Variants in RSPH3 observed in about 807,000 individuals in gnomAD.
The protein encoded by RSPH3 is radial spoke head protein 3 homolog.
In RSPH3, 21 loss-of-function variants were observed where a neutral mutation model predicts 43.8. The ratio of observed to expected loss-of-function variants is 0.48; its 90% CI spans 0.34 to 0.69. The LOEUF is 0.69. Ranked by LOEUF, RSPH3 falls within the 30% of genes least tolerant of loss-of-function variation. RSPH3 has a pLI of 0.01. For missense variants in RSPH3, 487 were observed against 516.0 expected, an observed-to-expected ratio of 0.94 and a Z score of 0.54; for synonymous variants, 173 against 179.8, an observed-to-expected ratio of 0.96 and a Z score of 0.30.
At chr6:158,986,848 T>G (rs1293355977) in intron 2 of RSPH3, among the ~76,000 whole-genome samples, 1 of 152,206 alleles carries the variant, frequency 6.6e-6, no homozygotes, top group African/African-American at 2.4e-5. Context: ...TCTACTTTTT[T>G]GAATTTGTTC....
Position 158,999,770 on chromosome 6 carries a change from G to T in RSPH3, c.-220C>A, listed in dbSNP as rs41267757. 34,260 of 1,610,958 alleles carry T rather than the reference G, an allele frequency of 0.021. 414 individuals are homozygous for T. Among genetic ancestry groups the T allele is most frequent in the Middle Eastern group, 0.025 (149 of 6,048 alleles). ...TCCCAGCACCACAGAGACCAGCTGCGGGGGCCGCATCGGTTGCCCAGCAAC... is the reference window on the plus strand; with the variant it reads ...TCCCAGCACCACAGAGACCAGCTGCTGGGGCCGCATCGGTTGCCCAGCAAC... On this transcript the variant is annotated 5_prime_UTR_variant, in exon 1 of 8. Coordinates refer to ENST00000367069, the MANE Select transcript of RSPH3 (RefSeq NM_031924.8).
At chr6:158,970,495 A>C (rs113013074), downstream of RSPH3, among the ~76,000 whole-genome samples, 44 of 152,232 alleles carry the variant, frequency 2.9e-4, no homozygotes, top group African/African-American at 9.4e-4. Context: ...GCATGCATGC[A>C]GTCCTACACA....
chr6:158,967,506 T>C, the RSPH3 span, among the ~76,000 whole-genome samples: 4 of 152,214 alleles, frequency 2.6e-5, no homozygotes, highest in African/African-American at 4.8e-5. Context: ...CTAAGGCTTA[T>C]TTTTGGTCTA....
chr6:158,979,760 T>G (rs1562559033), intron 6 of RSPH3, among the ~76,000 whole-genome samples: 1 of 152,134 alleles, frequency 6.6e-6, no homozygotes, highest in Non-Finnish European at 1.5e-5. Context: ...GCCAACAAAA[T>G]AGGACCTATA....
intron 2 of RSPH3, among the ~76,000 whole-genome samples, chr6:158,992,687 A>G (rs566184295): frequency 6.6e-6 from 1 of 152,184 alleles, no homozygotes; most frequent in South Asian, 2.1e-4. Context: ...GTTTATTGGG[A>G]CGTAACCTCA....
chr6:158,982,591 A>G lies in RSPH3; in HGVS notation c.590T>C (p.Leu197Pro), dbSNP rs373273834. The change falls in exon 5 of 8, where the codon CTG becomes CCG. Residue 197 changes from leucine to proline, a missense_variant. Transcript: ENST00000367069. ...SLLEVMEEEE[L>P]ANLRASQREY... ...ACGCTGACTGGCCCGCAGGTTAGCC[A>G]GCTCTTCTTCTTCCATTACTTCCAG... 11 of 1,613,908 alleles carry G rather than the reference A, an allele frequency of 6.8e-6. No homozygotes were observed. The African/African-American group carries it at 1.2e-4, about 18-fold the overall frequency.
the RSPH3 span, among the ~76,000 whole-genome samples, chr6:158,967,331 A>G: frequency 6.6e-5 from 10 of 151,744 alleles, no homozygotes; most frequent in Non-Finnish European, 2.9e-5. Flanking sequence ...TTACTTTCTA[A>G]TTTTTCTATG....
chr6:158,985,960 A>C (rs575677310), intron 3 of RSPH3, among the ~76,000 whole-genome samples: 50 of 151,560 alleles, frequency 3.3e-4, no homozygotes, highest in South Asian at 8.4e-4. Flanking sequence ...ATTACAGGCG[A>C]CCACCACCAT....
intron 1 of RSPH3, among the ~76,000 whole-genome samples, chr6:158,995,995 C>T (rs1778581964): frequency 6.6e-6 from 1 of 152,150 alleles, no homozygotes; most frequent in Non-Finnish European, 1.5e-5. Flanking sequence ...TCTCAAGATC[C>T]TTAATGTAAT....
At chr6:158,987,151 A>G (rs548926249) in intron 2 of RSPH3, among the ~76,000 whole-genome samples, 2 of 152,116 alleles carry the variant, frequency 1.3e-5, no homozygotes, top group Admixed American at 1.3e-4. Flanking sequence ...TATAGTTGGG[A>G]GCTCTGGTGT....
In RSPH3 at chr6:158,983,831, G is replaced by A. The variant is rs201768296; in HGVS notation, c.347-24C>T. ...TTCTAAGAAGAATATCATATATATCGAGTTTAAAATTCTGGTCTAAGGCCA... is the reference window on the plus strand; with the variant it reads ...TTCTAAGAAGAATATCATATATATCAAGTTTAAAATTCTGGTCTAAGGCCA... On this transcript the variant is annotated intron_variant, in intron 3 of 7. Coordinates refer to ENST00000367069, the MANE Select transcript of RSPH3 (RefSeq NM_031924.8). 29 of 1,549,282 alleles carry A rather than the reference G, an allele frequency of 1.9e-5. No individual in the cohort carries two copies. The East Asian group carries it at 2.0e-4, about 11-fold the overall frequency.
chr6:158,974,578 T>C lies in RSPH3; in HGVS notation c.*2960A>G, dbSNP rs777306360. ...TTAACATTCTTCTCTCCAGATAACA[T>C]ATAATGTGTTACCTCTAAGCTTTCT... On this transcript the variant is annotated 3_prime_UTR_variant, in exon 8 of 8. Transcript: ENST00000367069. The C allele has an allele frequency of 1.3e-5, 2 of 152,320 alleles. No individual in the cohort carries two copies. The highest frequency in any genetic ancestry group is 2.1e-4 in the South Asian group (1 of 4,830). 9.4% of individuals were successfully genotyped at this position (152,320 alleles called of 1,614,324 possible). A position where few individuals can be genotyped will look rare whatever the true frequency, so the allele number is the denominator to read the frequency against.
In RSPH3 at chr6:158,999,980, T is replaced by A; in HGVS notation, c.-430A>T. ...CCTTGGCTGGCTTGACCGTCATCCT[T>A]GAGGCCTGCGGGGCAACGGTGGCTG... On this transcript the variant is annotated 5_prime_UTR_variant, in exon 1 of 8. Coordinates refer to ENST00000367069, the MANE Select transcript of RSPH3 (RefSeq NM_031924.8). 2.5e-6 allele frequency: 4 copies of A among 1,579,704 alleles called. No individual in the cohort carries two copies. Among genetic ancestry groups the A allele is most frequent in the Non-Finnish European group, 3.4e-6 (4 of 1,161,598 alleles).
At chr6:158,965,272 G>T in the RSPH3 span, among the ~76,000 whole-genome samples, 4 of 152,138 alleles carry the variant, frequency 2.6e-5, no homozygotes, top group African/African-American at 9.6e-5. Flanking sequence ...AGGTTTCCCT[G>T]TAATTCAATA....
the RSPH3 span, among the ~76,000 whole-genome samples, chr6:158,966,215 G>A: frequency 2.6e-5 from 4 of 151,930 alleles, no homozygotes; most frequent in Non-Finnish European, 4.4e-5. Flanking sequence ...CATCCTTTTC[G>A]TATGTTGCTA....
chr6:158,978,343 A>G lies in RSPH3; in HGVS notation c.863T>C (p.Ile288Thr). The change falls in exon 7 of 8, where the codon ATT (isoleucine) becomes ACT (threonine). Residue 288 changes from isoleucine (I) to threonine (T), a missense_variant. Ile to Thr is a moderately conservative substitution (Grantham distance 89). Coordinates refer to ENST00000367069, the MANE Select transcript of RSPH3 (RefSeq NM_031924.8). ...TAGCCATGGAAGAAATCCTATCTCA[A>G]TATCTGTAATAAAAGAATTCATTGA... Reference protein sequence around the residue: ...GYFYDPIERDIEIGFLPWLMN... With the variant: ...GYFYDPIERDTEIGFLPWLMN... The G allele has an allele frequency of 7.1e-7, 1 of 1,403,270 alleles. No individual in the cohort carries two copies. Among genetic ancestry groups the G allele is most frequent in the South Asian group, 1.2e-5 (1 of 85,464 alleles). The allele number at this position is 1,403,270 out of a possible 1,614,324, so 86.9% of individuals were successfully genotyped here. A position where few individuals can be genotyped will look rare whatever the true frequency, so the allele number is the denominator to read the frequency against.
the RSPH3 span, among the ~76,000 whole-genome samples, chr6:158,967,655 C>G: frequency 8.5e-5 from 13 of 152,094 alleles, no homozygotes; most frequent in African/African-American, 3.1e-4. Flanking sequence ...TCTCCTTAGT[C>G]TATCCATTAT....
chr6:158,963,113 A>G, the RSPH3 span, among the ~76,000 whole-genome samples: 2,710 of 152,320 alleles, frequency 0.018, 34 homozygotes, highest in Middle Eastern at 0.024. Context: ...GAATAATATG[A>G]AAAACACAAA....
rs1467631201 is a variant in RSPH3 at position 158,976,625 on chromosome 6, T to G, written c.*913A>C. ...CTTTGAGGAGGGGAGTGAGACTGTA[T>G]GAGGGCAAACAGGGACTTTTGCTTT... On this transcript the variant is annotated 3_prime_UTR_variant, in exon 8 of 8. Coordinates refer to ENST00000367069, the MANE Select transcript of RSPH3 (RefSeq NM_031924.8). 6.6e-6 allele frequency: 1 copy of G among 152,170 alleles called. No homozygotes were observed. The highest frequency in any genetic ancestry group is 1.5e-5 in the Non-Finnish European group (1 of 68,020). The allele number at this position is 152,170 out of a possible 1,614,324, so 9.4% of individuals were successfully genotyped here. A position where few individuals can be genotyped will look rare whatever the true frequency, so the allele number is the denominator to read the frequency against.
Sources: gnomAD v4.1 joint callset for allele counts (sites outside exome capture counted in the v4.1 genomes callset) on GRCh38, gnomAD v4.1.1 for gene constraint, MANE v1.5 for transcripts, NCBI Gene and HGNC (gene_info 2026-07-23, HGNC 2026-07-21) for gene names.